The following MYH9 variants were observed in gnomAD, a reference collection of about 807,000 sequenced individuals.
The protein encoded by MYH9 is myosin heavy chain 9.
A neutral mutation model predicts 241.9 loss-of-function variants in MYH9; 29 were observed. The observed-to-expected ratio is 0.12, with a 90% CI of 0.09 to 0.16. MYH9 has a LOEUF of 0.16. MYH9 is among the 10% of genes least tolerant of loss of function. The pLI is 1.00. For synonymous variants in MYH9, 1,047 were observed against 1,062.6 expected, an observed-to-expected ratio of 0.99 and a Z score of 0.29; for missense variants, 1,803 against 2,595.5, an observed-to-expected ratio of 0.69 and a Z score of 6.63.
intron 31 of MYH9, among the ~76,000 whole-genome samples, chr22:36,290,992 G>A (rs5995277): frequency 0.08 from 11,778 of 147,212 alleles, 1,475 homozygotes; most frequent in African/African-American, 0.28. Context: ...TCCGCCCGGC[G>A]GCCACCCCGT....
At chr22:36,352,907 A>G (rs897557320) in intron 1 of MYH9, among the ~76,000 whole-genome samples, 7 of 152,136 alleles carry the variant, frequency 4.6e-5, no homozygotes, top group Non-Finnish European at 1.0e-4. Context: ...TGCTAGAATG[A>G]CGTGGGTGAG....
intron 1 of MYH9, among the ~76,000 whole-genome samples, chr22:36,385,811 A>G (rs1396107796): frequency 6.6e-6 from 1 of 151,970 alleles, no homozygotes; most frequent in Non-Finnish European, 1.5e-5. Context: ...CTCAAATTAC[A>G]CTGAGCAATC....
intron 1 of MYH9, among the ~76,000 whole-genome samples, chr22:36,372,321 C>T (rs999216629): frequency 6.6e-6 from 1 of 152,038 alleles, no homozygotes; most frequent in African/African-American, 2.4e-5. Context: ...GATCCCATCT[C>T]TACCAAAACA....
chr22:36,295,770 C>A lies in MYH9; in HGVS notation c.3273-53G>T. 6.5e-7 allele frequency: 1 copy of A among 1,527,630 alleles called. No homozygotes were observed. 94.6% of individuals were successfully genotyped at this position (1,527,630 alleles called of 1,614,324 possible). A position where few individuals can be genotyped will look rare whatever the true frequency, so the allele number is the denominator to read the frequency against. On this transcript the variant is annotated intron_variant, in intron 25 of 40. Transcript: ENST00000216181. This position sits in a 1 kb window ranked among gnomAD's most constrained non-coding sequence, Gnocchi z 4.1. ...TAAGGAGAGTTTCACCTCCAAGGAG[C>A]AGAGTTTGCAGGACAGGCCTGAGAG...
rs5756135 is a variant in MYH9, at chr22:36,303,733, C to T, written c.2390+262G>A. ...GTGGGAGGTGGAGGTTGCAGTGAGC[C>T]GAGAACGCACCACAGCACTCCAGCC... On this transcript the variant is annotated intron_variant, in intron 19 of 40. Transcript: ENST00000216181. Among the ~76,000 whole-genome samples, 6,646 of 143,380 alleles carry T rather than the reference C, an allele frequency of 0.046. 194 individuals are homozygous for T. The highest frequency in any genetic ancestry group is 0.088 in the East Asian group (432 of 4,922). 94.1% of individuals were successfully genotyped at this position (143,380 alleles called of 152,430 possible).
At chr22:36,303,339 A>C (rs1424391412) in intron 19 of MYH9, among the ~76,000 whole-genome samples, 1 of 151,758 alleles carries the variant, frequency 6.6e-6, no homozygotes, top group Admixed American at 6.6e-5. Flanking sequence ...GCTCCCCTGG[A>C]ATCACAGGGT....
rs935138325 is a variant in MYH9 at position 36,295,189 on chromosome 22, G to A, written c.3486-113C>T. 1.4e-6 allele frequency: 2 copies of A among 1,447,806 alleles called. No homozygotes were observed. Among genetic ancestry groups the A allele is most frequent in the Non-Finnish European group, 1.9e-6 (2 of 1,037,652 alleles). 89.7% of individuals were successfully genotyped at this position (1,447,806 alleles called of 1,614,324 possible). On this transcript the variant is annotated intron_variant, in intron 26 of 40. Coordinates refer to ENST00000216181, the MANE Select transcript of MYH9 (RefSeq NM_002473.6). This position sits in a 1 kb window ranked among gnomAD's most constrained non-coding sequence, Gnocchi z 4.1. The stretch of plus-strand genomic sequence containing the variant: ...GGCCAGGGCACAGGCACTCCAGGCA[G>A]CTTTTCTACCCACCGGCCCCTCCTA...
In MYH9 at chr22:36,366,808, T is replaced by C. The variant is rs114918232; in HGVS notation, c.-19-17553A>G. Among the ~76,000 whole-genome samples the C allele has an allele frequency of 8.9e-3, 1,354 of 152,222 alleles. 22 individuals are homozygous for C. Among genetic ancestry groups the C allele is most frequent in the African/African-American group, 0.03 (1,257 of 41,548 alleles). ...GGATCATCAGGGAGGGGAAGGCCAC[T>C]GTGCTGGAGCTACAGTGATGAGCCC... On this transcript the variant is annotated intron_variant, in intron 1 of 40. Transcript: ENST00000216181.
In MYH9 at chr22:36,288,375, C is replaced by T. The variant is rs1209319530; in HGVS notation, c.4809G>A (p.Lys1603=). 5 of 1,613,362 alleles carry T rather than the reference C, an allele frequency of 3.1e-6. No individual in the cohort carries two copies. Among genetic ancestry groups the T allele is most frequent in the Non-Finnish European group, 3.4e-6 (4 of 1,180,048 alleles). The part of the protein sequence containing the change: ...EMEAELEDER[K]QRSMAVAARK... ...GGGCGGCCACTGCCATCGAGCGCTG[C>T]TTCCTCTCGTCCTCCAGCTCTGCCT... Residue 1603 remains lysine (K), a synonymous_variant, in exon 34 of 41, where the codon AAG becomes AAA. Coordinates refer to ENST00000216181, the MANE Select transcript of MYH9 (RefSeq NM_002473.6). The surrounding 1 kb of genome is among the most constrained non-coding windows in gnomAD (Gnocchi z 4.8).
rs1360596377 is a variant in MYH9, at chr22:36,300,899, G to A, written c.2790C>T (p.Arg930=). The stretch of plus-strand genomic sequence containing the variant: ...TCTTCTCCGCCTGCAGGTGCTGGCA[G>A]CGCTCCTCCTCCTCCTCCACCCTGG... ...LEARVEEEEE[R]CQHLQAEKKK... is the part of the protein sequence containing the mutation. Residue 930 remains arginine, a synonymous_variant, in exon 22 of 41, where the codon CGC becomes CGT. Transcript: ENST00000216181. The surrounding 1 kb of genome is among the most constrained non-coding windows in gnomAD (Gnocchi z 5.0). The A allele has an allele frequency of 3.7e-6, 6 of 1,606,418 alleles. No individual in the cohort carries two copies. In the South Asian group the frequency reaches 6.6e-5, roughly 18 times the overall value.
intron 1 of MYH9, among the ~76,000 whole-genome samples, chr22:36,381,282 A>C (rs899157779): frequency 7.2e-5 from 11 of 152,124 alleles, no homozygotes; most frequent in East Asian, 1.9e-4. Flanking sequence ...TGGGAAGAAG[A>C]AGCAGGTGGA....
intron 3 of MYH9, 92 bp downstream of exon 3, chr22:36,341,278 G>A: frequency 1.3e-6 from 2 of 1,520,510 alleles, no homozygotes; most frequent in Admixed American, 1.7e-5. Flanking sequence ...CTAGATCAAT[G>A]TGGCACCAAA....
chr22:36,357,761 T>A (rs1370259334), intron 1 of MYH9, among the ~76,000 whole-genome samples: 1 of 152,174 alleles, frequency 6.6e-6, no homozygotes, highest in African/African-American at 2.4e-5. Context: ...AAAATGGCCA[T>A]TATGGATGGC....
At chr22:36,328,258 G>A (rs1025265463) in intron 3 of MYH9, among the ~76,000 whole-genome samples, 9 of 152,178 alleles carry the variant, frequency 5.9e-5, no homozygotes, top group African/African-American at 1.4e-4. Flanking sequence ...TGAACTGCTC[G>A]GCAAGGAAGG....
At chr22:36,298,159 C>T (rs186879195) in intron 24 of MYH9, among the ~76,000 whole-genome samples, 67 of 152,270 alleles carry the variant, frequency 4.4e-4, no homozygotes, top group African/African-American at 1.5e-3. Flanking sequence ...TGAAACTAAG[C>T]TGGGGATAAT....
At chr22:36,294,026 G>A (rs1025744058) in intron 28 of MYH9, 66 bp downstream of exon 28, 8 of 1,564,676 alleles carry the variant, frequency 5.1e-6, no homozygotes, top group Non-Finnish European at 7.0e-6. Flanking sequence ...ACATGCACCT[G>A]GGGACCTGGG....
intron 1 of MYH9, among the ~76,000 whole-genome samples, chr22:36,379,217 G>A (rs2018217298): frequency 6.6e-6 from 1 of 152,182 alleles, no homozygotes; most frequent in Non-Finnish European, 1.5e-5. Context: ...ATTAAAAATT[G>A]TACAGAGAGG....
At chr22:36,292,943 C>CTGGTGAAAATAA (rs2016729966) in intron 30 of MYH9, among the ~76,000 whole-genome samples, 1 of 152,240 alleles carries the variant, frequency 6.6e-6, no homozygotes, top group Admixed American at 6.5e-5. Flanking sequence ...ACAAACAGCG[C>CTGGTGAAAATAA]AGGCCTGGGA....
intron 40 of MYH9, among the ~76,000 whole-genome samples, chr22:36,283,321 G>A (rs1245998513): frequency 6.6e-6 from 1 of 152,106 alleles, no homozygotes; most frequent in Non-Finnish European, 1.5e-5. Context: ...TGGAGCACCT[G>A]AGGTCAGGAG....
Sources: allele counts gnomAD v4.1 joint callset (sites outside exome capture counted in the v4.1 genomes callset), GRCh38; gene constraint gnomAD v4.1.1; non-coding constraint Gnocchi (gnomAD v3.1); transcripts MANE v1.5; gene names NCBI Gene and HGNC (gene_info 2026-07-23, HGNC 2026-07-21).